The following PPP1R42 variants were observed in gnomAD, a reference collection of about 807,000 sequenced individuals.
The protein encoded by PPP1R42 is protein phosphatase 1 regulatory subunit 42.
A neutral mutation model predicts 31.0 loss-of-function variants in PPP1R42; 34 were observed. The ratio of observed to expected loss-of-function variants is 1.10; its 90% CI spans 0.83 to 1.46. The LOEUF is 1.46. PPP1R42 is among the 40% of genes most tolerant of loss of function. The probability of loss-of-function intolerance (pLI) is 0.00; values close to 1 mark genes in which losing one functional copy is unlikely to be tolerated. For synonymous variants in PPP1R42, 103 were observed against 109.8 expected, an observed-to-expected ratio of 0.94 and a Z score of 0.39; for missense variants, 268 against 303.0, an observed-to-expected ratio of 0.88 and a Z score of 0.86.
rs1323890293 is a variant in PPP1R42, at chr8:67,024,518, C to T, written c.-85+3973G>A. 2.0e-5 allele frequency among the ~76,000 whole-genome samples: 3 copies of T among 152,002 alleles called. No homozygotes were observed. The East Asian group carries it at 5.8e-4, about 30-fold the overall frequency. ...TTAGATGGAGTCTTGCTCTGTTGCC[C>T]AGGCTGGAGTGCAGTGGTGCATCCT... On this transcript the variant is annotated intron_variant, in intron 1 of 7. Coordinates refer to ENST00000685739, the MANE Select transcript of PPP1R42 (RefSeq NM_001364910.1).
intron 1 of PPP1R42, among the ~76,000 whole-genome samples, chr8:67,023,874 G>A (rs1220612386): frequency 6.6e-6 from 1 of 151,588 alleles, no homozygotes; most frequent in South Asian, 2.1e-4. Flanking sequence ...GCTGGGCACC[G>A]TGGCTGATGC....
intron 5 of PPP1R42, among the ~76,000 whole-genome samples, chr8:66,992,639 T>C (rs1414361682): frequency 6.6e-6 from 1 of 152,210 alleles, no homozygotes; most frequent in Non-Finnish European, 1.5e-5. Flanking sequence ...TTTCAAACAG[T>C]GTTGGTTTCC....
rs1815935912 is a variant in PPP1R42, at chr8:67,014,306, A to G, written c.296+120T>C. On this transcript the variant is annotated intron_variant, in intron 3 of 7. Transcript: ENST00000685739. ...TTCATATAAGTATGAAATCATATCA[A>G]TTTCATATTGAATTTACTTTTGGAA... The G allele has an allele frequency of 7.4e-6, 4 of 540,934 alleles. No individual in the cohort carries two copies. The East Asian group carries it at 1.3e-4, about 18-fold the overall frequency. The allele number at this position is 540,934 out of a possible 1,614,324, so 33.5% of individuals were successfully genotyped here.
intron 5 of PPP1R42, among the ~76,000 whole-genome samples, chr8:67,005,767 C>T (rs968854424): frequency 1.3e-5 from 2 of 152,168 alleles, no homozygotes; most frequent in African/African-American, 4.8e-5. Flanking sequence ...TCTTATTTAA[C>T]TTCTGCAGTA....
intron 5 of PPP1R42, among the ~76,000 whole-genome samples, 196 bp from the exon 6 acceptor site, chr8:66,988,713 C>CA (rs900995931): frequency 1.7e-4 from 25 of 151,324 alleles, no homozygotes; most frequent in African/African-American, 2.2e-4. Flanking sequence ...GAAGATGAGG[C>CA]AAAAAAAAGA....
intron 1 of PPP1R42, among the ~76,000 whole-genome samples, chr8:67,018,828 T>C (rs1585685790): frequency 7.3e-5 from 1 of 13,772 alleles, no homozygotes; most frequent in African/African-American, 2.4e-4. Flanking sequence ...CCCCCCCCTT[T>C]TTTTTTTTTT....
intron 5 of PPP1R42, among the ~76,000 whole-genome samples, chr8:67,000,846 T>A (rs1815462356): frequency 6.6e-6 from 1 of 152,270 alleles, no homozygotes; most frequent in African/African-American, 2.4e-5. Context: ...CTATCTTTTA[T>A]ATCATTACTG....
intron 5 of PPP1R42, 94 bp downstream of exon 5, chr8:67,010,621 T>G: frequency 1.2e-6 from 1 of 839,166 alleles, no homozygotes; most frequent in Non-Finnish European, 1.9e-6. Context: ...AGAGTAGTTT[T>G]TAATGTGATA....
At chr8:66,987,061 C>G (rs1463125052) in intron 6 of PPP1R42, among the ~76,000 whole-genome samples, 1 of 151,962 alleles carries the variant, frequency 6.6e-6, no homozygotes, top group East Asian at 1.9e-4. Context: ...GATGTCTTTC[C>G]AGATCTATTT....
chr8:67,017,497 C>CA (rs1195531158), intron 2 of PPP1R42, 122 bp downstream of exon 2: 4,721 of 466,524 alleles, frequency 0.01, no homozygotes, highest in South Asian at 0.013. Context: ...GACTCTATCT[C>CA]AAAAAAAAAA....
chr8:67,026,705 G>A (rs1235929888), intron 1 of PPP1R42, among the ~76,000 whole-genome samples: 3 of 152,046 alleles, frequency 2.0e-5, no homozygotes, highest in Middle Eastern at 3.4e-3. Context: ...GGTGGTACAC[G>A]CCTGTGGTCC....
At chr8:66,985,230 C>G (rs563461906) in intron 6 of PPP1R42, 15 of 1,116,550 alleles carry the variant, frequency 1.3e-5, no homozygotes, top group East Asian at 9.4e-5. Flanking sequence ...CAAATTTGCC[C>G]TTGTCATGGA....
intron 7 of PPP1R42, among the ~76,000 whole-genome samples, chr8:66,974,910 T>A (rs922003141): frequency 1.3e-5 from 2 of 152,214 alleles, no homozygotes; most frequent in African/African-American, 4.8e-5. Flanking sequence ...ATTTCAAAGT[T>A]AAGAAATGTG....
At chr8:67,011,203 AATT>A (rs1169004039) in intron 4 of PPP1R42, among the ~76,000 whole-genome samples, 1 of 152,226 alleles carries the variant, frequency 6.6e-6, no homozygotes, top group African/African-American at 2.4e-5. Flanking sequence ...AGCTTTAGCA[AATT>A]ATCATTTTGT....
rs1345960236 is a variant in PPP1R42 at position 67,003,935 on chromosome 8, A to T, written c.552+6780T>A. ...GAAACCCCGTCTCTACTAAAAGTAC[A>T]AAAAATTAGCCGGGCGTGGTGGCGG... On this transcript the variant is annotated intron_variant, in intron 5 of 7. Transcript: ENST00000685739. Among the ~76,000 whole-genome samples the T allele has an allele frequency of 5.3e-5, 8 of 152,196 alleles. No homozygotes were observed. The South Asian group carries it at 1.7e-3, about 32-fold the overall frequency.
chr8:66,993,781 C>T (rs994715012), intron 5 of PPP1R42, among the ~76,000 whole-genome samples: 3 of 152,068 alleles, frequency 2.0e-5, no homozygotes, highest in South Asian at 4.1e-4. Flanking sequence ...CTTTTGTGTC[C>T]CCCATTGTCT....
rs139352635 is a variant in PPP1R42, at chr8:67,026,633, C to T, written c.-85+1858G>A. On this transcript the variant is annotated intron_variant, in intron 1 of 7. Coordinates refer to ENST00000685739, the MANE Select transcript of PPP1R42 (RefSeq NM_001364910.1). ...GGAGGATTGCTTGAGCCCAGGAGTT[C>T]GAGACCAGCCTGAGCAACATGGCGA... Among the ~76,000 whole-genome samples, 705 of 151,896 alleles carry T rather than the reference C, an allele frequency of 4.6e-3. 6 individuals carry two copies. Among genetic ancestry groups the T allele is most frequent in the African/African-American group, 0.012 (502 of 41,448 alleles).
At chr8:67,004,574 T>C (rs1287775250) in intron 5 of PPP1R42, among the ~76,000 whole-genome samples, 8 of 152,246 alleles carry the variant, frequency 5.3e-5, no homozygotes, top group Non-Finnish European at 5.9e-5. Flanking sequence ...CTATTTTTAA[T>C]TTCTAAGTGC....
intron 7 of PPP1R42, among the ~76,000 whole-genome samples, chr8:66,973,233 C>G (rs931033673): frequency 6.6e-5 from 10 of 151,578 alleles, no homozygotes; most frequent in South Asian, 2.1e-4. Flanking sequence ...TCTATATGGA[C>G]TTTTAAAAAT....
Sources: gnomAD v4.1 joint callset for allele counts (sites outside exome capture counted in the v4.1 genomes callset) on GRCh38, gnomAD v4.1.1 for gene constraint, MANE v1.5 for transcripts, NCBI Gene and HGNC (gene_info 2026-07-23, HGNC 2026-07-21) for gene names.